Variants in ACAP2 observed in about 807,000 individuals in gnomAD.
The protein encoded by ACAP2 is ArfGAP with coiled-coil, ankyrin repeat and PH domains 2, also known as arf-GAP with coiled-coil, ANK repeat and PH domain-containing protein 2.
ACAP2 carries 39 observed loss-of-function variants against 115.8 expected under a neutral mutation model. The observed-to-expected ratio is 0.34, with a 90% CI of 0.26 to 0.44. The LOEUF (loss-of-function observed/expected upper bound fraction) is 0.44. ACAP2 is among the 20% of genes least tolerant of loss of function. The pLI, the probability that ACAP2 is intolerant of heterozygous loss-of-function variation, is 1.00. For synonymous variants in ACAP2, 289 were observed against 315.8 expected (o/e 0.92, Z 0.90); for missense variants, 662 against 927.6 (o/e 0.71, Z 3.72).
At chr3:195,435,146 T>C (rs531310727) in intron 1 of ACAP2, among the ~76,000 whole-genome samples, 6 of 55,228 alleles carry the variant, frequency 1.1e-4, no homozygotes, top group African/African-American at 4.7e-4. Context: ...CTTTTTCTAG[T>C]TTGCTGGGGT....
chr3:195,280,311 A>T (rs550486101), intron 22 of ACAP2, among the ~76,000 whole-genome samples: 1 of 152,248 alleles, frequency 6.6e-6, no homozygotes, highest in South Asian at 2.1e-4. Flanking sequence ...GTCTCTACTA[A>T]AAATACAAAA....
chr3:195,356,249 G>A (rs993104885), intron 4 of ACAP2: 6 of 453,790 alleles, frequency 1.3e-5, no homozygotes, highest in African/African-American at 1.0e-4. Context: ...GCCAATCCCG[G>A]CAGAACTCAG....
chr3:195,432,091 A>T (rs879766146), intron 1 of ACAP2, among the ~76,000 whole-genome samples: 3 of 152,176 alleles, frequency 2.0e-5, no homozygotes, highest in Non-Finnish European at 4.4e-5. Flanking sequence ...CATTCTCTAG[A>T]TACAAATCCC....
At chr3:195,363,539 C>G (rs527514546) in intron 4 of ACAP2, among the ~76,000 whole-genome samples, 14 of 149,606 alleles carry the variant, frequency 9.4e-5, no homozygotes, top group African/African-American at 3.4e-4. Context: ...CTGCTCTGGA[C>G]AAAGAAAAAA....
chr3:195,432,888 G>A (rs1715243911), intron 1 of ACAP2, among the ~76,000 whole-genome samples: 1 of 152,134 alleles, frequency 6.6e-6, no homozygotes, highest in Non-Finnish European at 1.5e-5. Context: ...TGTCTTCTAA[G>A]TACTTTCCTC....
Position 195,342,486 on chromosome 3 carries a change from G to C in ACAP2, c.513C>G (p.Leu171=), listed in dbSNP as rs754866221. The C allele has an allele frequency of 1.2e-6, 2 of 1,604,516 alleles. No individual in the cohort carries two copies. Among genetic ancestry groups the C allele is most frequent in the East Asian group, 4.5e-5 (2 of 44,776 alleles). ...AACTATATACCTGAAGCACATAATCGAGGGCTATGTGTCGGAAACATTTTC... is the reference window on the plus strand; with the variant it reads ...AACTATATACCTGAAGCACATAATCCAGGGCTATGTGTCGGAAACATTTTC... ...ATRKCFRHIA[L]DYVLQINVLQ... Residue 171 remains leucine, a synonymous_variant, in exon 6 of 23, where the codon CTC becomes CTG. Coordinates refer to ENST00000326793, the MANE Select transcript of ACAP2 (RefSeq NM_012287.6).
intron 2 of ACAP2, among the ~76,000 whole-genome samples, chr3:195,382,464 C>T (rs1027823185): frequency 6.6e-6 from 1 of 152,072 alleles, no homozygotes; most frequent in Non-Finnish European, 1.5e-5. Flanking sequence ...CTCTTTCTCT[C>T]TCTCCCGTCC....
chr3:195,413,623 C>G (rs1054048714), intron 1 of ACAP2, among the ~76,000 whole-genome samples: 1 of 152,142 alleles, frequency 6.6e-6, no homozygotes, highest in Non-Finnish European at 1.5e-5. Context: ...GGTGGTGCAC[C>G]TGCAATCCCA....
chr3:195,399,421 C>T (rs1037732702), intron 1 of ACAP2, among the ~76,000 whole-genome samples: 1 of 152,068 alleles, frequency 6.6e-6, no homozygotes, highest in African/African-American at 2.4e-5. Flanking sequence ...TGGCCTGAAG[C>T]AATCCTCCCA....
intron 6 of ACAP2, among the ~76,000 whole-genome samples, chr3:195,340,321 T>C (rs1730784750): frequency 6.6e-6 from 1 of 151,336 alleles, no homozygotes; most frequent in South Asian, 2.1e-4. Flanking sequence ...ACCATTCAAT[T>C]AGATAAGGGC....
chr3:195,390,020 A>T (rs1339248619), intron 2 of ACAP2, among the ~76,000 whole-genome samples: 2 of 152,204 alleles, frequency 1.3e-5, no homozygotes, highest in Admixed American at 6.5e-5. Context: ...ACACGGTGAA[A>T]TCCCGTCTCT....
chr3:195,301,902 A>G, intron 14 of ACAP2, 64 bp downstream of exon 14: 1 of 1,551,764 alleles, frequency 6.4e-7, no homozygotes, highest in Non-Finnish European at 8.8e-7. Context: ...TAACAAGTGA[A>G]ACAACCATTT....
chr3:195,388,990 C>T (rs1734478786), intron 2 of ACAP2, among the ~76,000 whole-genome samples: 1 of 150,890 alleles, frequency 6.6e-6, no homozygotes. Flanking sequence ...CACCACTGCA[C>T]TCCAGCCTGG....
intron 4 of ACAP2, chr3:195,349,990 C>CT: frequency 5.7e-6 from 1 of 176,208 alleles, no homozygotes; most frequent in Non-Finnish European, 1.2e-5. Flanking sequence ...TCTGTCACCA[C>CT]TTTCAAAAAT....
At chr3:195,380,954 G>A (rs988208812) in intron 4 of ACAP2, 55 bp downstream of exon 4, 16 of 1,473,682 alleles carry the variant, frequency 1.1e-5, no homozygotes, top group Admixed American at 4.5e-5. Flanking sequence ...TGCGACTCAA[G>A]AAAAATACTA....
chr3:195,412,231 A>C (rs1713333274), intron 1 of ACAP2, among the ~76,000 whole-genome samples: 2 of 151,240 alleles, frequency 1.3e-5, no homozygotes, highest in African/African-American at 4.9e-5. Flanking sequence ...AAAATAAATA[A>C]AGAAGAAGAA....
chr3:195,414,025 G>C (rs1713509912), intron 1 of ACAP2, among the ~76,000 whole-genome samples: 1 of 151,784 alleles, frequency 6.6e-6, no homozygotes, highest in Non-Finnish European at 1.5e-5. Context: ...AAGAAAAGAG[G>C]AGGAGAAACA....
At chr3:195,330,572 A>G (rs904059551) in intron 8 of ACAP2, among the ~76,000 whole-genome samples, 1 of 152,202 alleles carries the variant, frequency 6.6e-6, no homozygotes. Flanking sequence ...TCTAAAACCC[A>G]GGAAGGTCTC....
chr3:195,361,445 A>T lies in ACAP2; in HGVS notation c.286-16128T>A, dbSNP rs575809332. The stretch of plus-strand genomic sequence containing the variant: ...AGCAAGACTCTGTCTCAAAAAAAAA[A>T]AGAAAAGAAACTAAAAAATTTATTG... On this transcript the variant is annotated intron_variant, in intron 4 of 22. Transcript: ENST00000326793. 1.1e-4 allele frequency among the ~76,000 whole-genome samples: 16 copies of T among 147,878 alleles called. 2 individuals are homozygous for T. The South Asian group carries it at 3.6e-3, about 33-fold the overall frequency.
Sources: gnomAD v4.1 joint callset for allele counts (sites outside exome capture counted in the v4.1 genomes callset) on GRCh38, gnomAD v4.1.1 for gene constraint, MANE v1.5 for transcripts, NCBI Gene and HGNC (gene_info 2026-07-23, HGNC 2026-07-21) for gene names.